The following SLC2A9 variants were observed in gnomAD, a reference collection of about 807,000 sequenced individuals.
SLC2A9 encodes solute carrier family 2, facilitated glucose transporter member 9.
A neutral mutation model predicts 50.6 loss-of-function variants in SLC2A9; 39 were observed. The observed-to-expected ratio is 0.77, with a 90% CI of 0.60 to 1.01. The LOEUF is 1.01. Among genes scored for constraint, SLC2A9 ranks in the 50% least tolerant of loss-of-function variants. The pLI, the probability that SLC2A9 is intolerant of heterozygous loss-of-function variation, is 0.00. For missense variants in SLC2A9, 686 were observed against 677.6 expected (o/e 1.01, Z -0.14); for synonymous variants, 324 against 276.9 (o/e 1.17, Z -1.69).
chr4:9,820,745 A>G (rs940547526), intron 3 of SLC2A9, among the ~76,000 whole-genome samples: 7 of 152,186 alleles, frequency 4.6e-5, no homozygotes, highest in Non-Finnish European at 1.0e-4. Flanking sequence ...TTAATTGTTC[A>G]TTGCTAGTAC....
intron 2 of SLC2A9, among the ~76,000 whole-genome samples, chr4:9,998,158 A>G (rs191599699): frequency 4.0e-4 from 61 of 152,290 alleles, no homozygotes; most frequent in Non-Finnish European, 7.2e-4. Context: ...GGTGATTCTG[A>G]TGTACACCAA....
chr4:9,809,269 C>T (rs1285019036), intron 3 of SLC2A9, among the ~76,000 whole-genome samples: 1 of 151,962 alleles, frequency 6.6e-6, no homozygotes, highest in African/African-American at 2.4e-5. Context: ...GATCAGATGT[C>T]CCTGGGTATC....
chr4:10,001,873 G>A (rs1759887534), intron 2 of SLC2A9, among the ~76,000 whole-genome samples: 1 of 152,216 alleles, frequency 6.6e-6, no homozygotes, highest in African/African-American at 2.4e-5. Context: ...CCTGAGTGGG[G>A]AAACAAAGGA....
intron 10 of SLC2A9, among the ~76,000 whole-genome samples, chr4:9,877,152 G>A (rs1734436765): frequency 6.6e-6 from 1 of 152,238 alleles, no homozygotes; most frequent in African/African-American, 2.4e-5. Flanking sequence ...TCCCCCTAAA[G>A]TGCTGGGATA....
At chr4:9,912,565 G>C (rs1482831184) in intron 7 of SLC2A9, among the ~76,000 whole-genome samples, 1 of 152,148 alleles carries the variant, frequency 6.6e-6, no homozygotes, top group African/African-American at 2.4e-5. Flanking sequence ...CTCCACAGTT[G>C]GGCATGCCTA....
intron 4 of SLC2A9, among the ~76,000 whole-genome samples, chr4:9,981,536 G>A (rs1755879021): frequency 6.6e-6 from 1 of 152,148 alleles, no homozygotes. Context: ...GAAAAGTTGA[G>A]TAACTTGCCT....
chr4:10,032,414 G>A (rs1763966066), intron 1 of SLC2A9, among the ~76,000 whole-genome samples: 1 of 152,112 alleles, frequency 6.6e-6, no homozygotes, highest in African/African-American at 2.4e-5. Flanking sequence ...GACGTGGTTA[G>A]GGATGTGGGA....
intron 6 of SLC2A9, among the ~76,000 whole-genome samples, chr4:9,925,195 C>A (rs1011408065): frequency 6.6e-6 from 1 of 152,204 alleles, no homozygotes; most frequent in African/African-American, 2.4e-5. Context: ...TCCAGAACAC[C>A]CTGCCACTTT....
chr4:9,845,807 C>T (rs951484301), intron 10 of SLC2A9, among the ~76,000 whole-genome samples: 4 of 152,196 alleles, frequency 2.6e-5, no homozygotes, highest in African/African-American at 9.7e-5. Context: ...CCATATGTCA[C>T]TTAATCCTTT....
At chr4:9,938,988 C>T (rs181343666) in intron 6 of SLC2A9, among the ~76,000 whole-genome samples, 4 of 152,270 alleles carry the variant, frequency 2.6e-5, no homozygotes, top group South Asian at 2.1e-4. Flanking sequence ...GGCCCAAGTT[C>T]GTGGCCTCCC....
intron 5 of SLC2A9, among the ~76,000 whole-genome samples, chr4:9,956,131 G>A (rs1167322775): frequency 6.6e-6 from 1 of 151,316 alleles, no homozygotes; most frequent in South Asian, 2.1e-4. Context: ...GACCTGCCTC[G>A]GCCTCCCAAA....
intron 3 of SLC2A9, among the ~76,000 whole-genome samples, chr4:9,806,433 A>C (rs1722125636): frequency 6.6e-6 from 1 of 152,236 alleles, no homozygotes; most frequent in Non-Finnish European, 1.5e-5. Context: ...CTATAGAAAT[A>C]ATGCTTATCA....
intron 8 of SLC2A9, among the ~76,000 whole-genome samples, chr4:9,892,969 A>G (rs1737803037): frequency 6.6e-6 from 1 of 152,232 alleles, no homozygotes; most frequent in South Asian, 2.1e-4. Flanking sequence ...AATTTTGAGT[A>G]GGTTCTATTA....
chr4:9,924,307 T>C, intron 6 of SLC2A9, among the ~76,000 whole-genome samples: 1 of 152,158 alleles, frequency 6.6e-6, no homozygotes, highest in East Asian at 1.9e-4. Context: ...CACCCGTGCC[T>C]CTCCGCCTGC....
At chr4:9,816,153 G>C (rs983070458) in intron 3 of SLC2A9, among the ~76,000 whole-genome samples, 2 of 150,794 alleles carry the variant, frequency 1.3e-5, no homozygotes, top group Non-Finnish European at 2.9e-5. Context: ...CTGGGTAACA[G>C]AGCAAGACCC....
intron 4 of SLC2A9, among the ~76,000 whole-genome samples, chr4:9,982,091 G>C (rs564123374): frequency 1.4e-4 from 22 of 152,282 alleles, no homozygotes; most frequent in African/African-American, 5.1e-4. Context: ...ATGTTGGTCA[G>C]CTGGTCTCGA....
intron 5 of SLC2A9, among the ~76,000 whole-genome samples, chr4:9,944,688 C>T (rs575112019): frequency 6.6e-6 from 1 of 152,254 alleles, no homozygotes; most frequent in East Asian, 1.9e-4. Context: ...GAGTGGAGCT[C>T]AGATAAGAGT....
intron 10 of SLC2A9, among the ~76,000 whole-genome samples, chr4:9,842,086 A>AT (rs770210730): frequency 7.3e-5 from 11 of 150,144 alleles, no homozygotes; most frequent in Admixed American, 3.3e-4. Flanking sequence ...ACTGCTGGCC[A>AT]TTTTTTTTCA....
At chr4:9,810,142 T>G (rs1281347628) in intron 3 of SLC2A9, among the ~76,000 whole-genome samples, 1 of 152,196 alleles carries the variant, frequency 6.6e-6, no homozygotes, top group African/African-American at 2.4e-5. Flanking sequence ...TTTCTCCACT[T>G]GAATGTCAGC....
Sources: allele counts gnomAD v4.1 joint callset (sites outside exome capture counted in the v4.1 genomes callset), GRCh38; gene constraint gnomAD v4.1.1; transcripts MANE v1.5; gene names NCBI Gene and HGNC (gene_info 2026-07-23, HGNC 2026-07-21).